CLEC16A: variants seen among roughly 807,000 people sequenced by gnomAD.
The protein encoded by CLEC16A is C-type lectin domain containing 16A.
In CLEC16A, 51 loss-of-function variants were observed where a neutral mutation model predicts 109.5. The observed-to-expected ratio is 0.47, with a 90% CI of 0.37 to 0.59. The LOEUF is 0.59. Ranked by LOEUF, CLEC16A falls within the 20% of genes least tolerant of loss-of-function variation. The pLI, the probability that CLEC16A is intolerant of heterozygous loss-of-function variation, is 0.00. For missense variants in CLEC16A, 1,339 were observed against 1,394.0 expected (o/e 0.96, Z 0.63); for synonymous variants, 673 against 564.2 (o/e 1.19, Z -2.73).
At chr16:10,989,047 C>T (rs2146981925) in intron 10 of CLEC16A, among the ~76,000 whole-genome samples, 1 of 152,210 alleles carries the variant, frequency 6.6e-6, no homozygotes, top group African/African-American at 2.4e-5. Flanking sequence ...CACCAAGGCA[C>T]AGAGGGAGAA....
intron 22 of CLEC16A, among the ~76,000 whole-genome samples, chr16:11,157,646 T>A (rs1050419454): frequency 2.0e-5 from 3 of 152,170 alleles, no homozygotes; most frequent in Admixed American, 1.3e-4. Flanking sequence ...TGAATGCTTT[T>A]GTTTCTCTTT....
At chr16:11,109,606 C>T (rs563971112) in intron 19 of CLEC16A, among the ~76,000 whole-genome samples, 1 of 152,326 alleles carries the variant, frequency 6.6e-6, no homozygotes, top group East Asian at 1.9e-4. Flanking sequence ...TCCCTGGTAC[C>T]AGCGCAGACT....
chr16:10,992,671 G>C (rs1180141999), intron 10 of CLEC16A, among the ~76,000 whole-genome samples: 1 of 151,990 alleles, frequency 6.6e-6, no homozygotes, highest in Non-Finnish European at 1.5e-5. Context: ...GCAGAGGCTG[G>C]CTGCCATACT....
chr16:11,030,368 A>G (rs1294507332), intron 13 of CLEC16A, among the ~76,000 whole-genome samples: 1 of 152,232 alleles, frequency 6.6e-6, no homozygotes, highest in East Asian at 1.9e-4. Flanking sequence ...AGATGCCTAT[A>G]TAATTTTATA....
chr16:10,971,807 C>A (rs987668719), intron 5 of CLEC16A, among the ~76,000 whole-genome samples: 2 of 152,220 alleles, frequency 1.3e-5, no homozygotes, highest in African/African-American at 2.4e-5. Context: ...CCACAAGTTT[C>A]CTGAACTGGA....
rs200265573 is a variant in CLEC16A, at chr16:10,975,203, C to G, written c.729-2022C>G. On this transcript the variant is annotated intron_variant, in intron 7 of 23. Transcript: ENST00000409790. ...AATTAGCCAGACATGGTAGTGCACC[C>G]CTGTAATCCCAGCTACCAGGGAGGT... Among the ~76,000 whole-genome samples, 24 of 152,218 alleles carry G rather than the reference C, an allele frequency of 1.6e-4. No individual in the cohort carries two copies. The East Asian group carries it at 4.6e-3, about 29-fold the overall frequency.
intron 22 of CLEC16A, among the ~76,000 whole-genome samples, chr16:11,145,167 G>C (rs571400824): frequency 7.4e-4 from 113 of 152,300 alleles, no homozygotes; most frequent in African/African-American, 2.5e-3. Context: ...GGACTTGGTT[G>C]GAGGGCCCAG....
chr16:11,046,908 T>A (rs2152867575), intron 16 of CLEC16A, among the ~76,000 whole-genome samples: 1 of 152,352 alleles, frequency 6.6e-6, no homozygotes, highest in East Asian at 1.9e-4. Flanking sequence ...GTATCTTTAA[T>A]GTGGTAACTT....
intron 19 of CLEC16A, among the ~76,000 whole-genome samples, chr16:11,114,128 C>CGTGTGTGTGT (rs3030600): frequency 0.017 from 2,101 of 127,272 alleles, 54 homozygotes; most frequent in African/African-American, 0.027. Flanking sequence ...TGAGGATGGC[C>CGTGTGTGTGT]GTGTGTGTGT....
At chr16:11,106,708 A>G (rs1402571677) in intron 19 of CLEC16A, among the ~76,000 whole-genome samples, 1 of 152,036 alleles carries the variant, frequency 6.6e-6, no homozygotes, top group East Asian at 1.9e-4. Flanking sequence ...AATCTTTTTA[A>G]AAATTTATTT....
intron 18 of CLEC16A, among the ~76,000 whole-genome samples, chr16:11,056,091 G>A (rs1276308127): frequency 6.6e-5 from 10 of 152,222 alleles, no homozygotes; most frequent in African/African-American, 2.4e-4. Flanking sequence ...CACTGGAGCT[G>A]TTGGGGTCCA....
At chr16:11,009,705 G>A (rs1362338184) in intron 11 of CLEC16A, among the ~76,000 whole-genome samples, 3 of 152,188 alleles carry the variant, frequency 2.0e-5, no homozygotes, top group African/African-American at 4.8e-5. Context: ...ACTTAAGGGG[G>A]CAGTGCAAAG....
At chr16:11,008,922 C>T (rs946347290) in intron 11 of CLEC16A, among the ~76,000 whole-genome samples, 2 of 152,002 alleles carry the variant, frequency 1.3e-5, no homozygotes, top group African/African-American at 2.4e-5. Context: ...TGGCGTGAAC[C>T]CGGGAGGCGG....
intron 19 of CLEC16A, among the ~76,000 whole-genome samples, chr16:11,100,027 C>G (rs1435478729): frequency 6.6e-6 from 1 of 152,166 alleles, no homozygotes; most frequent in Non-Finnish European, 1.5e-5. Context: ...TGCCAACTGT[C>G]TGACCACGGT....
chr16:11,035,221 ATTTC>A (rs2046954398), intron 13 of CLEC16A, among the ~76,000 whole-genome samples: 1 of 152,200 alleles, frequency 6.6e-6, no homozygotes, highest in African/African-American at 2.4e-5. Context: ...ACAGTGTCGT[ATTTC>A]TTTCTAGCAT....
chr16:11,174,233 C>G lies in CLEC16A; in HGVS notation c.2807-4102C>G, dbSNP rs1200372037. Reference sequence around the variant, plus strand: ...GTCATGGCGGCCACTGGGTTTAGTGCTCCGAACGGCAGCTGCCACGGCACC... The same window carrying G: ...GTCATGGCGGCCACTGGGTTTAGTGGTCCGAACGGCAGCTGCCACGGCACC... On this transcript the variant is annotated intron_variant, in intron 23 of 23. Transcript: ENST00000409790. This position sits in a 1 kb window ranked among gnomAD's most constrained non-coding sequence, Gnocchi z 4.7. 2 of 468,068 alleles carry G rather than the reference C, an allele frequency of 4.3e-6. No individual in the cohort carries two copies. The highest frequency in any genetic ancestry group is 8.8e-6 in the Non-Finnish European group (2 of 226,934). The allele number at this position is 468,068 out of a possible 1,614,324, so 29.0% of individuals were successfully genotyped here. A position where few individuals can be genotyped will look rare whatever the true frequency, so the allele number is the denominator to read the frequency against.
At chr16:11,125,915 AAAT>A in intron 21 of CLEC16A, 61 bp from the exon 22 acceptor site, 1 of 124,586 alleles carries the variant, frequency 8.0e-6, no homozygotes. Context: ...CCCCCCCCCC[AAAT>A]TCTCACCACC....
intron 19 of CLEC16A, among the ~76,000 whole-genome samples, chr16:11,075,257 G>T (rs1443410282): frequency 6.6e-6 from 1 of 152,122 alleles, no homozygotes; most frequent in East Asian, 1.9e-4. Context: ...AACTTCCGAG[G>T]CACATCAACC....
At chr16:11,124,062 C>A in intron 21 of CLEC16A, 116 bp downstream of exon 21, 1 of 964,610 alleles carries the variant, frequency 1.0e-6, no homozygotes, top group South Asian at 1.7e-5. Context: ...ACGTATGATT[C>A]AGGAATTGTT....
Sources: allele counts gnomAD v4.1 joint callset (sites outside exome capture counted in the v4.1 genomes callset), GRCh38; gene constraint gnomAD v4.1.1; non-coding constraint Gnocchi (gnomAD v3.1); transcripts MANE v1.5; gene names NCBI Gene and HGNC (gene_info 2026-07-23, HGNC 2026-07-21).